SS18L1: variants seen among roughly 807,000 people sequenced by gnomAD.
SS18L1 encodes the protein calcium-responsive transactivator.
Under a neutral mutation model 70.3 loss-of-function variants are expected in SS18L1, and 32 were observed. The ratio of observed to expected loss-of-function variants is 0.46; its 90% CI spans 0.34 to 0.61. The LOEUF (loss-of-function observed/expected upper bound fraction) is 0.61. Among genes scored for constraint, SS18L1 ranks in the 20% least tolerant of loss-of-function variants. The pLI is 0.01. For synonymous variants in SS18L1, 237 were observed against 229.7 expected, an observed-to-expected ratio of 1.03 and a Z score of -0.29; for missense variants, 430 against 542.1, an observed-to-expected ratio of 0.79 and a Z score of 2.05.
intron 8 of SS18L1, among the ~76,000 whole-genome samples, chr20:62,171,941 T>G (rs1287882291): frequency 6.6e-6 from 1 of 152,126 alleles, no homozygotes; most frequent in African/African-American, 2.4e-5. Flanking sequence ...GGTGAACGGA[T>G]CACAAGGTCA....
At chr20:62,157,856 T>C (rs1344704025) in intron 1 of SS18L1, among the ~76,000 whole-genome samples, 1 of 151,810 alleles carries the variant, frequency 6.6e-6, no homozygotes, top group South Asian at 2.1e-4. Flanking sequence ...CTCACGCATC[T>C]TTTCTGCCCC....
chr20:62,148,748 C>A (rs559193240), intron 1 of SS18L1, among the ~76,000 whole-genome samples: 148 of 152,380 alleles, frequency 9.7e-4, no homozygotes, highest in African/African-American at 3.5e-3. Context: ...CTCTGTCCCC[C>A]CTCTGCCTGT....
At chr20:62,163,377 C>G (rs1336317269) in intron 5 of SS18L1, 81 bp from the exon 6 acceptor site, 2 of 1,492,844 alleles carry the variant, frequency 1.3e-6, no homozygotes, top group African/African-American at 1.4e-5. Context: ...GGAACCCGCC[C>G]GGGCGCAGGA....
At chr20:62,172,485 C>T (rs530240764) in intron 8 of SS18L1, among the ~76,000 whole-genome samples, 197 bp from the exon 9 acceptor site, 22 of 148,484 alleles carry the variant, frequency 1.5e-4, no homozygotes, top group Non-Finnish European at 7.4e-5. Context: ...TTAACCATTT[C>T]GTTTCTTAGC....
intron 5 of SS18L1, 132 bp from the exon 6 acceptor site, chr20:62,163,326 T>A: frequency 7.5e-7 from 1 of 1,338,102 alleles, no homozygotes; most frequent in South Asian, 1.4e-5. Context: ...TGCCTTGCGG[T>A]GGAGGACGCT....
At chr20:62,148,653 C>T (rs2057075761) in intron 1 of SS18L1, among the ~76,000 whole-genome samples, 1 of 152,238 alleles carries the variant, frequency 6.6e-6, no homozygotes, top group Non-Finnish European at 1.5e-5. Flanking sequence ...GAGGGAGGCG[C>T]TCTGCAAGGC....
intron 1 of SS18L1, among the ~76,000 whole-genome samples, chr20:62,146,604 C>CCTTTTTTTTTTTTTTTTT (rs1339898731): frequency 2.0e-4 from 7 of 34,154 alleles, no homozygotes; most frequent in African/African-American, 8.3e-4. Context: ...CTGCTTTGAT[C>CCTTTTTTTTTTTTTTTTT]ATTTTTTTTT....
At position 62,163,499 on chromosome 20, in the gene SS18L1, T is replaced by C. The variant is rs771344394; in HGVS notation, c.598T>C (p.Ser200Pro). 2 of 1,612,094 alleles carry C rather than the reference T, an allele frequency of 1.2e-6. No individual in the cohort carries two copies. Among genetic ancestry groups the C allele is most frequent in the Admixed American group, 1.7e-5 (1 of 59,998 alleles). ...GCAGGCGGCCACGTCGCACTACAGC[T>C]CGGCGCAGGGCGGCAGCCAGCACTA... The part of the protein sequence containing the change: ...QQQAATSHYS[S>P]AQGGSQHYQG... The change falls in exon 6 of 11, where the codon TCG becomes CCG. Residue 200 changes from serine (S) to proline (P), a missense_variant. Ser to Pro is a moderately conservative substitution (Grantham distance 74). Transcript: ENST00000331758.
Position 62,179,544 on chromosome 20 carries a change from G to A in SS18L1, c.*336G>A. On this transcript the variant is annotated 3_prime_UTR_variant, in exon 11 of 11. Coordinates refer to ENST00000331758, the MANE Select transcript of SS18L1 (RefSeq NM_198935.3). ...TCAGAGCATTCTGTGCCCAGGGACA[G>A]GACAGATCTCGAGGACACCACAGTC... 1 of 414,122 alleles carries A rather than the reference G, an allele frequency of 2.4e-6. No individual in the cohort carries two copies. 25.7% of individuals were successfully genotyped at this position (414,122 alleles called of 1,614,324 possible).
chr20:62,165,830 C>CT (rs1568756086), intron 8 of SS18L1, among the ~76,000 whole-genome samples: 1 of 152,088 alleles, frequency 6.6e-6, no homozygotes, highest in African/African-American at 2.4e-5. Context: ...GCCGGCCATG[C>CT]TGGGGTTGGG....
At chr20:62,163,900 C>T (rs563952087) in intron 6 of SS18L1, among the ~76,000 whole-genome samples, 4 of 152,242 alleles carry the variant, frequency 2.6e-5, no homozygotes, top group Admixed American at 1.3e-4. Context: ...GCCTGTAGTC[C>T]GAGCACTTTG....
chr20:62,161,410 C>A lies in SS18L1; in HGVS notation c.232-26C>A, dbSNP rs2057327244. The A allele has an allele frequency of 1.2e-6, 2 of 1,612,570 alleles. No homozygotes were observed. Among genetic ancestry groups the A allele is most frequent in the African/African-American group, 2.7e-5 (2 of 74,856 alleles). On this transcript the variant is annotated intron_variant, in intron 3 of 10. Coordinates refer to ENST00000331758, the MANE Select transcript of SS18L1 (RefSeq NM_198935.3). The surrounding 1 kb of genome is among the most constrained non-coding windows in gnomAD (Gnocchi z 4.4). ...CGCTCTCCGTAAATTAACCGTTTTTCCCTGAAAACTTCCTGTTGCCTGCAG... is the reference window on the plus strand; with the variant it reads ...CGCTCTCCGTAAATTAACCGTTTTTACCTGAAAACTTCCTGTTGCCTGCAG...
At chr20:62,167,397 G>GAAA (rs74893564) in intron 8 of SS18L1, among the ~76,000 whole-genome samples, 4 of 122,198 alleles carry the variant, frequency 3.3e-5, no homozygotes, top group African/African-American at 5.9e-5. Flanking sequence ...TTTCTCTCCC[G>GAAA]AAAAAAAAAA....
chr20:62,175,447 A>G (rs957919118), intron 10 of SS18L1: 2 of 985,174 alleles, frequency 2.0e-6, no homozygotes, highest in Admixed American at 1.2e-4. Flanking sequence ...GAGCCAGGCA[A>G]GGGAAGAGGG....
chr20:62,154,973 T>A (rs2057196688), intron 1 of SS18L1, among the ~76,000 whole-genome samples: 2 of 152,212 alleles, frequency 1.3e-5, no homozygotes, highest in African/African-American at 4.8e-5. Flanking sequence ...ACTAACAGGT[T>A]TTCACCTCCA....
chr20:62,170,932 C>CA (rs1371474226), intron 8 of SS18L1, among the ~76,000 whole-genome samples: 1 of 150,972 alleles, frequency 6.6e-6, no homozygotes, highest in African/African-American at 2.4e-5. Context: ...GATGGAGTCT[C>CA]ACTCTATCGC....
At position 62,174,844 on chromosome 20, in the gene SS18L1, C is replaced by G. The variant is rs2057593413; in HGVS notation, c.1164+200C>G. 8.9e-6 allele frequency: 13 copies of G among 1,458,226 alleles called. No individual in the cohort carries two copies. Among genetic ancestry groups the G allele is most frequent in the African/African-American group, 1.4e-5 (1 of 71,282 alleles). 90.3% of individuals were successfully genotyped at this position (1,458,226 alleles called of 1,614,324 possible). ...ACGCTCACCTCAGTCATCCAGCTGGCTTTTCATACCCTAAGCTCACCGTTA... is the reference window on the plus strand; with the variant it reads ...ACGCTCACCTCAGTCATCCAGCTGGGTTTTCATACCCTAAGCTCACCGTTA... On this transcript the variant is annotated intron_variant, in intron 10 of 10. Coordinates refer to ENST00000331758, the MANE Select transcript of SS18L1 (RefSeq NM_198935.3). The surrounding 1 kb of genome is among the most constrained non-coding windows in gnomAD (Gnocchi z 4.1).
At position 62,159,833 on chromosome 20, in the gene SS18L1, T is replaced by C. The variant is rs1036863666; in HGVS notation, c.147-44T>C. The C allele has an allele frequency of 1.9e-6, 3 of 1,585,506 alleles. No individual in the cohort carries two copies. Among genetic ancestry groups the C allele is most frequent in the African/African-American group, 2.7e-5 (2 of 74,248 alleles). On this transcript the variant is annotated intron_variant, in intron 2 of 10. Coordinates refer to ENST00000331758, the MANE Select transcript of SS18L1 (RefSeq NM_198935.3). This position sits in a 1 kb window ranked among gnomAD's most constrained non-coding sequence, Gnocchi z 4.4. ...CTGCCTTGGATCCACGTGGGGACTC[T>C]GTGGTCCCGTCGTCCTGCCTCATGC... is the stretch of plus-strand genomic sequence containing the variant.
intron 8 of SS18L1, among the ~76,000 whole-genome samples, chr20:62,168,866 G>A (rs2057480104): frequency 1.3e-5 from 2 of 152,162 alleles, no homozygotes; most frequent in Non-Finnish European, 2.9e-5. Context: ...AGGATGAGTG[G>A]GACAGGCTGG....
Sources: gnomAD v4.1 joint callset for allele counts (sites outside exome capture counted in the v4.1 genomes callset) on GRCh38, gnomAD v4.1.1 for gene constraint, Gnocchi (gnomAD v3.1) non-coding constraint, MANE v1.5 for transcripts, NCBI Gene and HGNC (gene_info 2026-07-23, HGNC 2026-07-21) for gene names.